The following ANKRD30BL variants were observed in gnomAD, a reference collection of about 807,000 sequenced individuals.
ANKRD30BL encodes ankyrin repeat domain 30B like.
In ANKRD30BL, 20 loss-of-function variants were observed where a neutral mutation model predicts 18.4. The ratio of observed to expected loss-of-function variants is 1.09; its 90% CI spans 0.77 to 1.58. ANKRD30BL has a LOEUF of 1.58. Among genes scored for constraint, ANKRD30BL ranks in the 40% most tolerant of loss-of-function variants. ANKRD30BL has a pLI of 0.00. For synonymous variants in ANKRD30BL, 72 were observed against 100.9 expected, an observed-to-expected ratio of 0.71 and a Z score of 1.72; for missense variants, 224 against 268.6, an observed-to-expected ratio of 0.83 and a Z score of 1.16.
chr2:132,203,309 A>G (rs529802235), intron 1 of ANKRD30BL, among the ~76,000 whole-genome samples: 2 of 152,370 alleles, frequency 1.3e-5, no homozygotes, highest in South Asian at 4.1e-4. Flanking sequence ...AAACAAAAAC[A>G]CAAAATATAC....
chr2:132,243,374 T>C (rs1311176111), intron 1 of ANKRD30BL, among the ~76,000 whole-genome samples: 1 of 151,374 alleles, frequency 6.6e-6, no homozygotes, highest in Non-Finnish European at 1.5e-5. Context: ...ATGAGACCTA[T>C]GGTTGAAAAG....
At chr2:132,201,332 A>G (rs914223782) in intron 1 of ANKRD30BL, among the ~76,000 whole-genome samples, 1 of 152,156 alleles carries the variant, frequency 6.6e-6, no homozygotes, top group African/African-American at 2.4e-5. Context: ...GCACAGCAAA[A>G]GAAACTACCA....
Position 132,245,782 on chromosome 2 carries a change from A to C in ANKRD30BL, n.441+11747T>G, listed in dbSNP as rs543615689. On this transcript the variant is annotated intron_variant and non_coding_transcript_variant, in intron 1 of 4. Transcript: ENST00000470729. The stretch of plus-strand genomic sequence containing the variant: ...TTTGAAGATTTCGTTGGAAAGGGGA[A>C]TATCTTCACATAAAAACTAGACAGA... Among the ~76,000 whole-genome samples, 8 of 151,692 alleles carry C rather than the reference A, an allele frequency of 5.3e-5. No homozygotes were observed. In the South Asian group the frequency reaches 1.7e-3, roughly 32 times the overall value.
At chr2:132,200,547 G>T (rs1274571033) in intron 1 of ANKRD30BL, among the ~76,000 whole-genome samples, 4 of 152,136 alleles carry the variant, frequency 2.6e-5, no homozygotes, top group Non-Finnish European at 4.4e-5. Flanking sequence ...ATTCACAATT[G>T]CTTCAAAGAG....
In ANKRD30BL at chr2:132,231,627, G is replaced by A. The variant is rs574982205; in HGVS notation, n.441+25902C>T. The stretch of plus-strand genomic sequence containing the variant: ...CTCCCACCCGAATATAGCGCTTTTC[G>A]GACCGGCTTAAAAAACGGCACACCA... On this transcript the variant is annotated intron_variant and non_coding_transcript_variant, in intron 1 of 4. Transcript: ENST00000470729. 4.6e-3 allele frequency among the ~76,000 whole-genome samples: 693 copies of A among 152,204 alleles called. 3 individuals carry two copies. Among genetic ancestry groups the A allele is most frequent in the African/African-American group, 0.015 (633 of 41,552 alleles).
At chr2:132,173,532 C>T (rs1326867491) in intron 1 of ANKRD30BL, among the ~76,000 whole-genome samples, 2 of 151,308 alleles carry the variant, frequency 1.3e-5, no homozygotes, top group South Asian at 4.2e-4. Context: ...TTCCTCACCT[C>T]GTGATCCACC....
At chr2:132,179,555 C>T (rs1433518526) in intron 1 of ANKRD30BL, among the ~76,000 whole-genome samples, 11 of 151,670 alleles carry the variant, frequency 7.3e-5, no homozygotes, top group African/African-American at 1.7e-4. Context: ...TCCCAAATTG[C>T]TTGCATTACA....
intron 1 of ANKRD30BL, among the ~76,000 whole-genome samples, chr2:132,194,355 T>A (rs1018838513): frequency 6.6e-5 from 10 of 152,202 alleles, no homozygotes; most frequent in African/African-American, 2.4e-4. Context: ...AAATTTGAAA[T>A]GCAGGTATCC....
At chr2:132,157,245 T>G in intron 2 of ANKRD30BL, 64 bp downstream of exon 2, 1 of 972,682 alleles carries the variant, frequency 1.0e-6, no homozygotes, top group South Asian at 1.7e-5. Context: ...TGAGATAGAT[T>G]CATTTTTATT....
intron 1 of ANKRD30BL, among the ~76,000 whole-genome samples, chr2:132,231,699 G>C (rs879762376): frequency 6.6e-6 from 1 of 152,288 alleles, no homozygotes; most frequent in East Asian, 1.9e-4. Context: ...CACCCACGGA[G>C]TCTCGCTGAT....
intron 5 of ANKRD30BL, among the ~76,000 whole-genome samples, 175 bp from the exon 6 acceptor site, chr2:132,148,403 G>A (rs62165774): frequency 0.14 from 15,625 of 113,640 alleles, 1,120 homozygotes; most frequent in Admixed American, 0.32. Context: ...GCCTCGCTCT[G>A]TTGCCCAGGC....
At chr2:132,220,533 T>A (rs1421350129) in intron 1 of ANKRD30BL, among the ~76,000 whole-genome samples, 1 of 151,948 alleles carries the variant, frequency 6.6e-6, no homozygotes, top group African/African-American at 2.4e-5. Context: ...CTGACTGGTT[T>A]TCGTTTTTTT....
At chr2:132,223,792 C>T (rs1217357985) in intron 1 of ANKRD30BL, among the ~76,000 whole-genome samples, 1 of 151,988 alleles carries the variant, frequency 6.6e-6, no homozygotes, top group Non-Finnish European at 1.5e-5. Flanking sequence ...AAGGAAATAT[C>T]TTCCCATAAA....
At chr2:132,251,898 T>A (rs1680658301) in intron 1 of ANKRD30BL, among the ~76,000 whole-genome samples, 1 of 152,282 alleles carries the variant, frequency 6.6e-6, no homozygotes, top group Non-Finnish European at 1.5e-5. Flanking sequence ...ACCCTTGTTT[T>A]GATTTTGTGT....
Position 132,223,945 on chromosome 2 carries a change from G to A in ANKRD30BL, n.441+33584C>T, listed in dbSNP as rs558032478. On this transcript the variant is annotated intron_variant and non_coding_transcript_variant, in intron 1 of 4. Coordinates refer to the ANKRD30BL transcript ENST00000470729. The stretch of plus-strand genomic sequence containing the variant: ...ATATTTGGAACGCTTTGAGGCCTTC[G>A]TTGGAAACGAGAATATCTTCACATA... 3.0e-4 allele frequency among the ~76,000 whole-genome samples: 46 copies of A among 151,986 alleles called. 2 individuals carry two copies. The South Asian group carries it at 4.2e-3, about 14-fold the overall frequency.
At chr2:132,221,940 C>T (rs1389932375) in intron 1 of ANKRD30BL, among the ~76,000 whole-genome samples, 5 of 131,190 alleles carry the variant, frequency 3.8e-5, no homozygotes, top group Admixed American at 7.0e-5. Flanking sequence ...CCCCGCCTGG[C>T]CAGCCGCCCC....
At chr2:132,199,056 A>G (rs2104745484) in intron 1 of ANKRD30BL, among the ~76,000 whole-genome samples, 1 of 152,320 alleles carries the variant, frequency 6.6e-6, no homozygotes, top group Admixed American at 6.5e-5. Context: ...AAAGGATTAG[A>G]AATAATAGCT....
intron 1 of ANKRD30BL, among the ~76,000 whole-genome samples, chr2:132,244,650 A>G (rs1349335932): frequency 8.5e-5 from 13 of 152,278 alleles, no homozygotes; most frequent in African/African-American, 3.1e-4. Flanking sequence ...CACTCAAATC[A>G]CAGAATTGAA....
At chr2:132,249,728 T>A (rs34975391) in intron 1 of ANKRD30BL, among the ~76,000 whole-genome samples, 9,127 of 152,174 alleles carry the variant, frequency 0.06, 333 homozygotes, top group South Asian at 0.12. Context: ...AACTGCTCAA[T>A]CAAAAGAATG....
Sources: gnomAD v4.1 joint callset for allele counts (sites outside exome capture counted in the v4.1 genomes callset) on GRCh38, gnomAD v4.1.1 for gene constraint, MANE v1.5 for transcripts, NCBI Gene and HGNC (gene_info 2026-07-23, HGNC 2026-07-21) for gene names.